The following DCAF8L2 variants were observed in gnomAD, a reference collection of about 807,000 sequenced individuals.
The protein encoded by DCAF8L2 is DDB1 and CUL4 associated factor 8 like 2, also known as DDB1- and CUL4-associated factor 8-like protein 2.
For synonymous variants in DCAF8L2, 200 were observed against 190.9 expected (o/e 1.05, Z -0.39); for missense variants, 430 against 490.7 (o/e 0.88, Z 1.17).
the DCAF8L2 span, among the ~76,000 whole-genome samples, chrX:27,472,452 C>T: frequency 9.0e-6 from 1 of 111,464 alleles, no homozygotes; most frequent in Non-Finnish European, 1.9e-5. Context: ...CATAGGTAAA[C>T]GTGTGCCATG....
the DCAF8L2 span, among the ~76,000 whole-genome samples, chrX:27,476,307 T>A: frequency 9.0e-6 from 1 of 111,241 alleles, no homozygotes; most frequent in African/African-American, 3.3e-5. Context: ...GAGAAATGGT[T>A]GTGATCTGAA....
intron 2 of DCAF8L2, among the ~76,000 whole-genome samples, chrX:27,641,606 GGA>G (rs1290255253): frequency 9.2e-6 from 1 of 108,901 alleles, no homozygotes; most frequent in Non-Finnish European, 1.9e-5. Context: ...CGAATAGCTG[GGA>G]TTCCAGGTGT....
chrX:27,704,313 T>C (rs1274125007), intron 3 of DCAF8L2, among the ~76,000 whole-genome samples: 1 of 107,666 alleles, frequency 9.3e-6, no homozygotes, highest in Non-Finnish European at 1.9e-5. Context: ...TGTGTATATA[T>C]ATACACAATG....
the DCAF8L2 span, among the ~76,000 whole-genome samples, chrX:27,527,666 AT>A: frequency 1.3e-3 from 128 of 101,659 alleles, no homozygotes; most frequent in Middle Eastern, 5.2e-3. Context: ...GAACCTCCGG[AT>A]TTTTTTTTTT....
chrX:27,672,604 A>G (rs1929988416), intron 2 of DCAF8L2, among the ~76,000 whole-genome samples: 1 of 111,972 alleles, frequency 8.9e-6, no homozygotes, highest in Non-Finnish European at 1.9e-5. Flanking sequence ...AAGAAGGATA[A>G]ATGGATTGAG....
chrX:27,627,130 A>G lies in DCAF8L2; in HGVS notation c.-341-4749A>G, dbSNP rs949641848. 2.7e-5 allele frequency among the ~76,000 whole-genome samples: 3 copies of G among 109,483 alleles called. No homozygotes were observed. In the East Asian group the frequency reaches 8.7e-4, roughly 32 times the overall value. ...AATGCAAAAGAAATGGGAAAAATGC[A>G]GGCTGGTATTTCATTAGAATACATA... On this transcript the variant is annotated intron_variant, in intron 1 of 4. Coordinates refer to ENST00000451261, the MANE Select transcript of DCAF8L2 (RefSeq NM_001353450.2).
At chrX:27,606,273 TTATA>T (rs1180719752) in intron 1 of DCAF8L2, among the ~76,000 whole-genome samples, 40 of 85,903 alleles carry the variant, frequency 4.7e-4, no homozygotes, top group African/African-American at 1.6e-3. Flanking sequence ...TATATAGGAA[TTATA>T]TATATATAGG....
At chrX:27,512,081 T>C in the DCAF8L2 span, among the ~76,000 whole-genome samples, 1 of 108,546 alleles carries the variant, frequency 9.2e-6, no homozygotes, top group Non-Finnish European at 1.9e-5. Context: ...CTGGGCAACA[T>C]GAGACTCTGC....
At chrX:27,514,248 T>C in the DCAF8L2 span, among the ~76,000 whole-genome samples, 6 of 108,425 alleles carry the variant, frequency 5.5e-5, no homozygotes, top group African/African-American at 2.0e-4. Flanking sequence ...TGTACACATA[T>C]GTACATATAT....
At chrX:27,683,531 G>A (rs1303285511) in intron 3 of DCAF8L2, among the ~76,000 whole-genome samples, 1 of 112,283 alleles carries the variant, frequency 8.9e-6, no homozygotes, top group East Asian at 2.8e-4. Context: ...GGCTGTTAAT[G>A]TTCATGCTCC....
chrX:27,702,873 T>C (rs1931182913), intron 3 of DCAF8L2, among the ~76,000 whole-genome samples: 1 of 111,207 alleles, frequency 9.0e-6, no homozygotes, highest in South Asian at 3.7e-4. Flanking sequence ...GAAAAATAGA[T>C]AAAAATATTT....
chrX:27,704,175 C>CTATATATATATAT (rs1931242594), intron 3 of DCAF8L2, among the ~76,000 whole-genome samples: 1 of 88,551 alleles, frequency 1.1e-5, no homozygotes, highest in Non-Finnish European at 2.0e-5. Context: ...TATATATATA[C>CTATATATATATAT]ATATACACAC....
upstream of DCAF8L2, among the ~76,000 whole-genome samples, chrX:27,587,195 A>G (rs761355082): frequency 2.2e-4 from 25 of 111,822 alleles, no homozygotes; most frequent in Admixed American, 7.6e-4. Context: ...ATTAAAATAC[A>G]TAGTTACATT....
At chrX:27,598,974 A>AATATAT (rs1555917080) in intron 1 of DCAF8L2, among the ~76,000 whole-genome samples, 192 of 92,179 alleles carry the variant, frequency 2.1e-3, no homozygotes, top group African/African-American at 6.6e-3. Context: ...AAAAAAAAAA[A>AATATAT]ATATATATAT....
chrX:27,713,327 G>A (rs1479856206), intron 3 of DCAF8L2, among the ~76,000 whole-genome samples: 1 of 111,678 alleles, frequency 9.0e-6, no homozygotes, highest in Non-Finnish European at 1.9e-5. Flanking sequence ...GCCAAATGTT[G>A]CTAATGAATG....
chrX:27,503,762 A>G, the DCAF8L2 span, among the ~76,000 whole-genome samples: 1 of 111,543 alleles, frequency 9.0e-6, no homozygotes, highest in Non-Finnish European at 1.9e-5. Flanking sequence ...TATTCTAGTT[A>G]TCTTTAGCTT....
chrX:27,642,128 C>CAG (rs1412304001), intron 2 of DCAF8L2, among the ~76,000 whole-genome samples: 1 of 106,471 alleles, frequency 9.4e-6, no homozygotes, highest in Non-Finnish European at 1.9e-5. Flanking sequence ...CTCCTGACCT[C>CAG]GTGATCCGCC....
At chrX:27,579,816 G>T in the DCAF8L2 span, among the ~76,000 whole-genome samples, 13 of 109,975 alleles carry the variant, frequency 1.2e-4, no homozygotes, top group South Asian at 3.8e-3. Context: ...GTTTTCTACA[G>T]AGCCAGATGT....
chrX:27,748,369 G>C lies in DCAF8L2; in HGVS notation c.1474G>C (p.Gly492Arg). The part of the protein sequence containing the change: ...SEFVVSGSDC[G>R]HIFFWEKSSC... Reference sequence around the variant, plus strand: ...GTTTGTAGTGAGCGGTAGTGATTGCGGGCACATCTTCTTCTGGGAGAAATC... The same window carrying C: ...GTTTGTAGTGAGCGGTAGTGATTGCCGGCACATCTTCTTCTGGGAGAAATC... The change falls in exon 5 of 5, where the codon GGG becomes CGG. Residue 492 changes from glycine to arginine, a missense_variant. Transcript: ENST00000451261. The C allele has an allele frequency of 4.2e-6, 5 of 1,204,768 alleles. No homozygotes were observed. Among genetic ancestry groups the C allele is most frequent in the Non-Finnish European group, 5.6e-6 (5 of 891,333 alleles).
Sources: allele counts gnomAD v4.1 joint callset (sites outside exome capture counted in the v4.1 genomes callset), GRCh38; gene constraint gnomAD v4.1.1; transcripts MANE v1.5; gene names NCBI Gene and HGNC (gene_info 2026-07-23, HGNC 2026-07-21).